SLC38A4: variants seen among roughly 807,000 people sequenced by gnomAD.
SLC38A4 encodes the protein sodium-coupled neutral amino acid transporter 4.
In SLC38A4, 20 loss-of-function variants were observed where a neutral mutation model predicts 63.1. The observed-to-expected ratio is 0.32, with a 90% confidence interval of 0.22 to 0.46. The LOEUF is 0.46. Among genes scored for constraint, SLC38A4 ranks in the 20% least tolerant of loss-of-function variants. The pLI, the probability that SLC38A4 is intolerant of heterozygous loss-of-function variation, is 1.00. For synonymous variants in SLC38A4, 230 were observed against 225.5 expected (o/e 1.02, Z -0.18); for missense variants, 526 against 663.6 (o/e 0.79, Z 2.28).
intron 5 of SLC38A4, among the ~76,000 whole-genome samples, chr12:46,786,240 T>C (rs1038799909): frequency 6.6e-6 from 1 of 152,142 alleles, no homozygotes; most frequent in Non-Finnish European, 1.5e-5. Context: ...GCATTCCCTG[T>C]ATTCTAAACA....
At chr12:46,790,080 C>A (rs547351973) in intron 3 of SLC38A4, among the ~76,000 whole-genome samples, 94 of 149,434 alleles carry the variant, frequency 6.3e-4, no homozygotes, top group South Asian at 5.2e-3. Flanking sequence ...CTCTGTCTGT[C>A]TCAATAAATA....
At chr12:46,795,158 G>T (rs1014965273) in intron 2 of SLC38A4, among the ~76,000 whole-genome samples, 3 of 151,330 alleles carry the variant, frequency 2.0e-5, no homozygotes, top group Non-Finnish European at 4.4e-5. Context: ...TTTTGACTTG[G>T]TTTACTGATT....
intron 1 of SLC38A4, among the ~76,000 whole-genome samples, chr12:46,815,102 AT>A (rs1241970682): frequency 1.3e-5 from 2 of 151,624 alleles, no homozygotes; most frequent in Non-Finnish European, 2.9e-5. Flanking sequence ...GCATTATCTC[AT>A]GTAATCACAG....
chr12:46,823,438 T>C (rs1326324400), intron 1 of SLC38A4, among the ~76,000 whole-genome samples: 1 of 152,220 alleles, frequency 6.6e-6, no homozygotes, highest in African/African-American at 2.4e-5. Context: ...GATCTACCTA[T>C]AAAAAGAGTT....
intron 1 of SLC38A4, among the ~76,000 whole-genome samples, chr12:46,824,068 G>A (rs73283976): frequency 0.026 from 4,031 of 152,146 alleles, 162 homozygotes; most frequent in African/African-American, 0.091. Context: ...TTGGGCTCTG[G>A]GTGACCCCTG....
In SLC38A4 at chr12:46,778,808, T is replaced by C. The variant is rs762518390; in HGVS notation, c.718-32A>G. ...TCAGTCATTAAAAAAGAAAAAAAAA[T>C]CAGCTTTTTGAGAAAAAACAATGAA... On this transcript the variant is annotated intron_variant, in intron 10 of 16. Transcript: ENST00000266579. The C allele has an allele frequency of 4.4e-6, 7 of 1,576,834 alleles. No individual in the cohort carries two copies. In the South Asian group the frequency reaches 6.9e-5, roughly 15 times the overall value.
At chr12:46,775,925 G>A (rs1938515794) in intron 13 of SLC38A4, among the ~76,000 whole-genome samples, 1 of 151,866 alleles carries the variant, frequency 6.6e-6, no homozygotes, top group Non-Finnish European at 1.5e-5. Flanking sequence ...AATACCTTCA[G>A]TAGTATTGAC....
intron 2 of SLC38A4, among the ~76,000 whole-genome samples, 161 bp downstream of exon 2, chr12:46,803,442 G>C (rs1189122761): frequency 6.6e-6 from 1 of 151,924 alleles, no homozygotes; most frequent in Non-Finnish European, 1.5e-5. Context: ...TTCAATGTTT[G>C]ACATTATACT....
At chr12:46,801,729 C>A (rs979193229) in intron 2 of SLC38A4, among the ~76,000 whole-genome samples, 5 of 152,072 alleles carry the variant, frequency 3.3e-5, no homozygotes, top group Non-Finnish European at 7.4e-5. Context: ...ACACTACAAT[C>A]AGTCTAATAT....
Position 46,766,466 on chromosome 12 carries a change from C to A in SLC38A4, c.*235G>T. 4.8e-6 allele frequency: 3 copies of A among 620,840 alleles called. No homozygotes were observed. Among genetic ancestry groups the A allele is most frequent in the Non-Finnish European group, 6.0e-6 (2 of 332,790 alleles). The allele number at this position is 620,840 out of a possible 1,614,324, so 38.5% of individuals were successfully genotyped here. A position where few individuals can be genotyped will look rare whatever the true frequency, so the allele number is the denominator to read the frequency against. ...CCTTCATCATCTCACACTGCTCTAG[C>A]AAAACCTGGGTAGAAATGTGCACCA... On this transcript the variant is annotated 3_prime_UTR_variant, in exon 17 of 17. Transcript: ENST00000266579.
chr12:46,767,472 T>A lies in SLC38A4; in HGVS notation c.1543-670A>T, dbSNP rs150465732. Among the ~76,000 whole-genome samples, 858 of 152,084 alleles carry A rather than the reference T, an allele frequency of 5.6e-3. 2 individuals are homozygous for A. The highest frequency in any genetic ancestry group is 8.8e-3 in the Non-Finnish European group (596 of 67,988). ...CACAATTGGTCAAACTGAAAATAGG[T>A]CACAAACAGGACAAGTAATTTGCCA... is the stretch of plus-strand genomic sequence containing the variant. On this transcript the variant is annotated intron_variant, in intron 16 of 16. Coordinates refer to ENST00000266579, the MANE Select transcript of SLC38A4 (RefSeq NM_018018.5).
chr12:46,826,501 T>C (rs1172045831), upstream of SLC38A4, among the ~76,000 whole-genome samples: 1 of 152,244 alleles, frequency 6.6e-6, no homozygotes, highest in African/African-American at 2.4e-5. Context: ...ACCATAGCTG[T>C]TGTTTTAAAA....
intron 2 of SLC38A4, among the ~76,000 whole-genome samples, chr12:46,800,932 T>C (rs1178629640): frequency 6.6e-6 from 1 of 152,118 alleles, no homozygotes; most frequent in East Asian, 1.9e-4. Context: ...AAAAAATCGC[T>C]TTGTTGCACA....
At chr12:46,782,010 C>G (rs1452183041) in intron 7 of SLC38A4, among the ~76,000 whole-genome samples, 1 of 151,886 alleles carries the variant, frequency 6.6e-6, no homozygotes, top group Non-Finnish European at 1.5e-5. Flanking sequence ...TGGCTCCAAA[C>G]CAGTAAAATG....
chr12:46,825,290 A>G (rs1413756436), intron 1 of SLC38A4, among the ~76,000 whole-genome samples: 2 of 137,878 alleles, frequency 1.5e-5, no homozygotes, highest in Admixed American at 1.4e-4. Context: ...ATGCAAATTT[A>G]TAATTACTTT....
At position 46,776,401 on chromosome 12, in the gene SLC38A4, T is replaced by C. The variant is rs190174810; in HGVS notation, c.1174+503A>G. Among the ~76,000 whole-genome samples the C allele has an allele frequency of 1.1e-4, 17 of 152,158 alleles. No individual in the cohort carries two copies. In the East Asian group the frequency reaches 2.3e-3, roughly 21 times the overall value. On this transcript the variant is annotated intron_variant, in intron 13 of 16. Transcript: ENST00000266579. ...TCATGTCCTCTTTCTTAGGAAATCA[T>C]TTAGTATAACAAAATAGAATGGGAT...
In SLC38A4 at chr12:46,766,145, G is replaced by C. The variant is rs1049403547; in HGVS notation, c.*556C>G. 1 of 223,392 alleles carries C rather than the reference G, an allele frequency of 4.5e-6. No individual in the cohort carries two copies. The highest frequency in any genetic ancestry group is 9.1e-6 in the Non-Finnish European group (1 of 110,102). 13.8% of individuals were successfully genotyped at this position (223,392 alleles called of 1,614,324 possible). A position where few individuals can be genotyped will look rare whatever the true frequency, so the allele number is the denominator to read the frequency against. ...AATATTATTTTGCTGTTGACAATAAGATGCTCTAGACTGGTGTTTGACCAT... is the reference window on the plus strand; with the variant it reads ...AATATTATTTTGCTGTTGACAATAACATGCTCTAGACTGGTGTTTGACCAT... On this transcript the variant is annotated 3_prime_UTR_variant, in exon 17 of 17. Transcript: ENST00000266579.
At chr12:46,807,366 A>G (rs1269227968) in intron 1 of SLC38A4, among the ~76,000 whole-genome samples, 1 of 151,888 alleles carries the variant, frequency 6.6e-6, no homozygotes, top group Non-Finnish European at 1.5e-5. Context: ...TTTACCGTAG[A>G]TTCATAAACT....
Position 46,765,060 on chromosome 12 carries a change from G to C in SLC38A4, c.*1641C>G, listed in dbSNP as rs1938268485. ...TTTTATTTTTGTATACTTTTTAGATGAGTGAAAATGTAAATATATCCTAAA... is the reference window on the plus strand; with the variant it reads ...TTTTATTTTTGTATACTTTTTAGATCAGTGAAAATGTAAATATATCCTAAA... On this transcript the variant is annotated 3_prime_UTR_variant, in exon 17 of 17. Coordinates refer to ENST00000266579, the MANE Select transcript of SLC38A4 (RefSeq NM_018018.5). 6.6e-6 allele frequency: 1 copy of C among 152,546 alleles called. No individual in the cohort carries two copies. Among genetic ancestry groups the C allele is most frequent in the African/African-American group, 2.4e-5 (1 of 41,436 alleles). 9.4% of individuals were successfully genotyped at this position (152,546 alleles called of 1,614,324 possible). A position where few individuals can be genotyped will look rare whatever the true frequency, so the allele number is the denominator to read the frequency against.
Sources: allele counts gnomAD v4.1 joint callset (sites outside exome capture counted in the v4.1 genomes callset), GRCh38; gene constraint gnomAD v4.1.1; transcripts MANE v1.5; gene names NCBI Gene and HGNC (gene_info 2026-07-23, HGNC 2026-07-21).